KCNK2: variants seen among roughly 807,000 people sequenced by gnomAD.
KCNK2 encodes potassium two pore domain channel subfamily K member 2.
In KCNK2, 21 loss-of-function variants were observed where a neutral mutation model predicts 40.5. The observed-to-expected ratio is 0.52, with a 90% CI of 0.37 to 0.75. The LOEUF (loss-of-function observed/expected upper bound fraction) is 0.75, where lower values mean the gene tolerates loss of function less well. Ranked by LOEUF, KCNK2 falls within the 30% of genes least tolerant of loss-of-function variation. The pLI, the probability that KCNK2 is intolerant of heterozygous loss-of-function variation, is 0.00. For synonymous variants in KCNK2, 191 were observed against 202.2 expected (o/e 0.94, Z 0.47); for missense variants, 399 against 531.6 (o/e 0.75, Z 2.45).
chr1:215,112,163 C>G (rs758153601), intron 2 of KCNK2, among the ~76,000 whole-genome samples: 1 of 151,934 alleles, frequency 6.6e-6, no homozygotes, highest in Non-Finnish European at 1.5e-5. Context: ...CTCAAGAAGC[C>G]TTTTGGAAAG....
chr1:215,078,971 T>C (rs1330402979), upstream of KCNK2, among the ~76,000 whole-genome samples: 4 of 152,224 alleles, frequency 2.6e-5, no homozygotes, highest in Non-Finnish European at 5.9e-5. Context: ...TATGACATTT[T>C]GAATAGGCCA....
chr1:215,203,803 C>T (rs1366484851), intron 6 of KCNK2, among the ~76,000 whole-genome samples: 1 of 151,652 alleles, frequency 6.6e-6, no homozygotes, highest in Non-Finnish European at 1.5e-5. Context: ...CTTTGGGAGG[C>T]CGAGATGGGC....
rs1261807337 is a variant in KCNK2, at chr1:215,038,172, A to G, written c.34+32217A>G. Among the ~76,000 whole-genome samples the G allele has an allele frequency of 3.9e-5, 6 of 152,162 alleles. No homozygotes were observed. In the East Asian group the frequency reaches 9.7e-4, roughly 25 times the overall value. ...TCAGAGATTAGAGACCCTGAATCTC[A>G]TTAGGAACATTGTAGACTCACCAGT... On this transcript the variant is annotated intron_variant, in intron 1 of 6. Transcript: ENST00000391895.
intron 1 of KCNK2, among the ~76,000 whole-genome samples, chr1:215,027,598 T>A (rs1657042856): frequency 6.6e-6 from 1 of 152,210 alleles, no homozygotes; most frequent in Admixed American, 6.5e-5. Flanking sequence ...TGGGGTTTTC[T>A]GTTGACATAC....
At chr1:215,163,023 T>C (rs1199612307) in intron 3 of KCNK2, among the ~76,000 whole-genome samples, 1 of 152,196 alleles carries the variant, frequency 6.6e-6, no homozygotes, top group East Asian at 1.9e-4. Context: ...TTGGGCAGTA[T>C]GGCCATTTTC....
chr1:215,139,542 G>A (rs1414960146), intron 3 of KCNK2, among the ~76,000 whole-genome samples: 1 of 152,072 alleles, frequency 6.6e-6, no homozygotes, highest in Non-Finnish European at 1.5e-5. Context: ...CCAACACTTT[G>A]GGAGGCCAAG....
At chr1:215,179,023 A>G (rs1195425087) in intron 5 of KCNK2, among the ~76,000 whole-genome samples, 1 of 151,206 alleles carries the variant, frequency 6.6e-6, no homozygotes, top group Non-Finnish European at 1.5e-5. Context: ...TACTGATTCC[A>G]TTTTGGAAGT....
intron 1 of KCNK2, among the ~76,000 whole-genome samples, chr1:215,016,285 T>TAGAGGATGTGATA (rs80185209): frequency 0.1 from 15,497 of 151,672 alleles, 1,098 homozygotes; most frequent in African/African-American, 0.19. Context: ...TTAAGAGATA[T>TAGAGGATGTGATA]AGAACACATA....
At chr1:215,120,850 T>C (rs1422732860) in intron 2 of KCNK2, among the ~76,000 whole-genome samples, 1 of 152,238 alleles carries the variant, frequency 6.6e-6, no homozygotes, top group African/African-American at 2.4e-5. Context: ...ATCCCCTGTA[T>C]GTTTATTGCT....
intron 5 of KCNK2, among the ~76,000 whole-genome samples, chr1:215,186,689 T>G (rs912504811): frequency 6.6e-6 from 1 of 152,142 alleles, no homozygotes; most frequent in African/African-American, 2.4e-5. Flanking sequence ...CCAGAAAATT[T>G]TAACTTCATA....
At chr1:215,191,387 T>G (rs1664659457) in intron 5 of KCNK2, among the ~76,000 whole-genome samples, 1 of 152,126 alleles carries the variant, frequency 6.6e-6, no homozygotes, top group Non-Finnish European at 1.5e-5. Context: ...TAGGGCTTTC[T>G]TAATGCTGGG....
At chr1:215,157,265 C>G (rs1001447815) in intron 3 of KCNK2, among the ~76,000 whole-genome samples, 1 of 152,148 alleles carries the variant, frequency 6.6e-6, no homozygotes, top group African/African-American at 2.4e-5. Flanking sequence ...GGAGATATCC[C>G]TCACGGGGTG....
intron 3 of KCNK2, among the ~76,000 whole-genome samples, chr1:215,143,161 T>C (rs1385213229): frequency 6.6e-6 from 1 of 152,172 alleles, no homozygotes; most frequent in Non-Finnish European, 1.5e-5. Flanking sequence ...ATTGAATTTC[T>C]AACATGTATA....
At chr1:215,066,032 A>T (rs781766694) in intron 1 of KCNK2, among the ~76,000 whole-genome samples, 1 of 152,118 alleles carries the variant, frequency 6.6e-6, no homozygotes, top group Non-Finnish European at 1.5e-5. Flanking sequence ...ACCAAACACC[A>T]TAGGTTCTCA....
At chr1:215,218,346 A>G (rs1448506221) in intron 6 of KCNK2, among the ~76,000 whole-genome samples, 1 of 152,176 alleles carries the variant, frequency 6.6e-6, no homozygotes, top group East Asian at 1.9e-4. Flanking sequence ...GGGAAGGGGA[A>G]TATTTTATAA....
In KCNK2 at chr1:215,197,286, G is replaced by A. The variant is rs538586969; in HGVS notation, c.963+2194G>A. 2.6e-5 allele frequency among the ~76,000 whole-genome samples: 4 copies of A among 152,264 alleles called. No homozygotes were observed. The East Asian group carries it at 5.8e-4, about 22-fold the overall frequency. On this transcript the variant is annotated intron_variant, in intron 6 of 6. Transcript: ENST00000444842. ...TCTAGCTGTTACAACAAAATAGGAC[G>A]GACTGGGTGTTATAACATGGGACTT...
At chr1:215,105,827 T>A (rs951997140) in intron 2 of KCNK2, among the ~76,000 whole-genome samples, 3 of 152,110 alleles carry the variant, frequency 2.0e-5, no homozygotes, top group Non-Finnish European at 2.9e-5. Flanking sequence ...TTCCTACTTA[T>A]AAGTGAGAAC....
chr1:215,025,852 T>A (rs904036753), intron 1 of KCNK2, among the ~76,000 whole-genome samples: 3 of 152,126 alleles, frequency 2.0e-5, no homozygotes, highest in African/African-American at 7.2e-5. Context: ...CAGCTGTATT[T>A]CTATGGAATA....
chr1:215,152,963 A>G (rs529774994), intron 3 of KCNK2, among the ~76,000 whole-genome samples: 1 of 152,286 alleles, frequency 6.6e-6, no homozygotes, highest in South Asian at 2.1e-4. Context: ...CTGCCTCCAC[A>G]TTTGAAGCTG....
Sources: allele counts gnomAD v4.1 joint callset (sites outside exome capture counted in the v4.1 genomes callset), GRCh38; gene constraint gnomAD v4.1.1; transcripts MANE v1.5; gene names NCBI Gene and HGNC (gene_info 2026-07-23, HGNC 2026-07-21).